The following EPM2A variants were observed in gnomAD, a reference collection of about 807,000 sequenced individuals.
The protein encoded by EPM2A is EPM2A glucan phosphatase, laforin, also known as laforin.
In EPM2A, 21 loss-of-function variants were observed where a neutral mutation model predicts 26.5. The ratio of observed to expected loss-of-function variants is 0.79; its 90% confidence interval spans 0.56 to 1.14. The LOEUF is 1.14. Among genes scored for constraint, EPM2A ranks in the 50% most tolerant of loss-of-function variants. The probability of loss-of-function intolerance (pLI) is 0.00; values close to 1 mark genes in which losing one functional copy is unlikely to be tolerated. For synonymous variants in EPM2A, 217 were observed against 177.6 expected (o/e 1.22, Z -1.76); for missense variants, 458 against 440.8 (o/e 1.04, Z -0.35).
At chr6:145,437,238 C>T (rs369392928) in intron 4 of EPM2A, among the ~76,000 whole-genome samples, 29 of 152,142 alleles carry the variant, frequency 1.9e-4, no homozygotes, top group East Asian at 1.6e-3. Context: ...CTCCTGCCTC[C>T]ATGTGAAGAA....
rs1307144837 is a variant in EPM2A at position 145,414,143 on chromosome 6, C to T, written c.556-30046G>A. Among the ~76,000 whole-genome samples, 3 of 152,164 alleles carry T rather than the reference C, an allele frequency of 2.0e-5. No homozygotes were observed. The East Asian group carries it at 5.8e-4, about 29-fold the overall frequency. On this transcript the variant is annotated intron_variant, in intron 4 of 4. Transcript: ENST00000638717. ...GGATGGAAGTACTCCAGATCAACTC[C>T]TTCCACACTCAGTTCTGCCTTCAGC...
chr6:145,600,093 GGTTT>G (rs765593792), intron 2 of EPM2A, among the ~76,000 whole-genome samples: 16 of 151,856 alleles, frequency 1.1e-4, no homozygotes, highest in Non-Finnish European at 2.4e-4. Flanking sequence ...AATTTTTCTA[GGTTT>G]CTTTATATTC....
chr6:145,423,161 T>G (rs1057006794), intron 4 of EPM2A, among the ~76,000 whole-genome samples: 1 of 152,102 alleles, frequency 6.6e-6, no homozygotes, highest in African/African-American at 2.4e-5. Context: ...CTTCTCCATA[T>G]TAATAATATT....
At chr6:145,434,186 C>CTT (rs1434158931) in intron 4 of EPM2A, among the ~76,000 whole-genome samples, 1 of 151,258 alleles carries the variant, frequency 6.6e-6, no homozygotes, top group Admixed American at 6.6e-5. Flanking sequence ...AACTGTTGAT[C>CTT]TTTTGAATAA....
rs545075708 is a variant in EPM2A, at chr6:145,518,222, T to C, written c.341-15647A>G. Among the ~76,000 whole-genome samples, 5 of 152,182 alleles carry C rather than the reference T, an allele frequency of 3.3e-5. No homozygotes were observed. The South Asian group carries it at 8.3e-4, about 25-fold the overall frequency. On this transcript the variant is annotated intron_variant, in intron 2 of 3. Coordinates refer to the EPM2A transcript ENST00000450221. ...ATACCCCAGTTACTTACACTAGAAG[T>C]TTTTGGTTAGGATAAAGATTGCTGT...
At chr6:145,466,174 A>C (rs1375350689) in intron 4 of EPM2A, among the ~76,000 whole-genome samples, 1 of 151,216 alleles carries the variant, frequency 6.6e-6, no homozygotes, top group Non-Finnish European at 1.5e-5. Context: ...TGCATAGCAA[A>C]AAAAAAAAAC....
At chr6:145,669,330 T>C (rs1419380195) in intron 2 of EPM2A, among the ~76,000 whole-genome samples, 1 of 152,158 alleles carries the variant, frequency 6.6e-6, no homozygotes, top group Non-Finnish European at 1.5e-5. Flanking sequence ...ATATATGCAT[T>C]TTGACTACTG....
At position 145,417,355 on chromosome 6, in the gene EPM2A, G is replaced by A. The variant is rs115982452; in HGVS notation, c.556-33258C>T. Reference sequence around the variant, plus strand: ...CAGAATACAGCTCTCAAAACTGCCCGTCTCATAGATGCCTTGACCCATTAG... The same window carrying A: ...CAGAATACAGCTCTCAAAACTGCCCATCTCATAGATGCCTTGACCCATTAG... On this transcript the variant is annotated intron_variant, in intron 4 of 4. Transcript: ENST00000638717. Among the ~76,000 whole-genome samples the A allele has an allele frequency of 2.8e-3, 429 of 152,256 alleles. 3 individuals carry two copies. Among genetic ancestry groups the A allele is most frequent in the African/African-American group, 1.0e-2 (415 of 41,554 alleles).
intron 4 of EPM2A, among the ~76,000 whole-genome samples, chr6:145,431,239 G>C (rs1582749826): frequency 6.6e-6 from 1 of 152,304 alleles, no homozygotes; most frequent in East Asian, 1.9e-4. Context: ...GAATACACTA[G>C]AGTCCTAATA....
intron 2 of EPM2A, among the ~76,000 whole-genome samples, chr6:145,681,466 C>T (rs1340264901): frequency 1.2e-3 from 182 of 149,288 alleles, no homozygotes; most frequent in African/African-American, 3.9e-3. Flanking sequence ...AAGTCCTTGC[C>T]CATGCCTATG....
At chr6:145,522,188 G>A (rs535648860) in intron 2 of EPM2A, among the ~76,000 whole-genome samples, 10 of 152,214 alleles carry the variant, frequency 6.6e-5, no homozygotes, top group African/African-American at 2.2e-4. Context: ...TCCTGACTTC[G>A]TGATCCGCCT....
intron 2 of EPM2A, among the ~76,000 whole-genome samples, chr6:145,660,703 G>A (rs948807079): frequency 7.2e-5 from 11 of 152,160 alleles, no homozygotes; most frequent in Non-Finnish European, 1.6e-4. Context: ...TCGAGAGGCT[G>A]AAGCAGGAGA....
At chr6:145,678,908 T>C (rs702309) in intron 2 of EPM2A, among the ~76,000 whole-genome samples, 97,391 of 151,924 alleles carry the variant, frequency 0.64, 31,835 homozygotes, top group African/African-American at 0.74. Flanking sequence ...GGGTATATAC[T>C]CAAAGGATTA....
intron 4 of EPM2A, chr6:145,490,967 C>T: frequency 1.2e-6 from 1 of 860,100 alleles, no homozygotes; most frequent in South Asian, 1.3e-5. Flanking sequence ...GAATCCACTT[C>T]CTCTAATGTT....
intron 1 of EPM2A, among the ~76,000 whole-genome samples, chr6:145,705,356 T>G (rs575571731): frequency 2.6e-5 from 4 of 152,158 alleles, no homozygotes; most frequent in Admixed American, 2.6e-4. Context: ...TATAGATATA[T>G]ATAGAGATAG....
At chr6:145,419,552 G>A (rs559122657) in intron 4 of EPM2A, among the ~76,000 whole-genome samples, 3 of 152,122 alleles carry the variant, frequency 2.0e-5, no homozygotes, top group Admixed American at 6.5e-5. Context: ...GTTAGAAATC[G>A]TGAGACTCCT....
intron 4 of EPM2A, among the ~76,000 whole-genome samples, chr6:145,437,776 C>T (rs188066102): frequency 2.4e-3 from 370 of 152,296 alleles, no homozygotes; most frequent in Non-Finnish European, 4.4e-3. Flanking sequence ...TGCATGGTTG[C>T]TGAATCTAAT....
chr6:145,571,645 T>C (rs1032444571), intron 2 of EPM2A, among the ~76,000 whole-genome samples: 8 of 152,172 alleles, frequency 5.3e-5, no homozygotes, highest in Admixed American at 2.6e-4. Flanking sequence ...TGGTGCCATA[T>C]CGAGGGCTCA....
At chr6:145,574,622 G>A (rs1301111836) in intron 2 of EPM2A, among the ~76,000 whole-genome samples, 2 of 152,172 alleles carry the variant, frequency 1.3e-5, no homozygotes, top group Non-Finnish European at 2.9e-5. Flanking sequence ...GGTCTAAAGT[G>A]GCTAATACAC....
Sources: allele counts gnomAD v4.1 joint callset (sites outside exome capture counted in the v4.1 genomes callset), GRCh38; gene constraint gnomAD v4.1.1; transcripts MANE v1.5; gene names NCBI Gene and HGNC (gene_info 2026-07-23, HGNC 2026-07-21).